IGF2: variants seen among roughly 807,000 people sequenced by gnomAD.
IGF2 encodes the protein insulin like growth factor 2, also known as insulin-like growth factor 2.
In IGF2, 2 loss-of-function variants were observed where a neutral mutation model predicts 12.0. That is an observed-to-expected ratio of 0.17 (90% CI 0.07 to 0.52). The LOEUF is 0.52. IGF2 is among the 20% of genes least tolerant of loss of function. IGF2 has a pLI of 0.95. For synonymous variants in IGF2, 105 were observed against 110.1 expected (o/e 0.95, Z 0.29); for missense variants, 211 against 268.0 (o/e 0.79, Z 1.48).
chr11:2,138,777 CG>C lies in IGF2; in HGVS notation c.-556del, dbSNP rs2133606343. The C allele has an allele frequency of 4.4e-6, 4 of 918,956 alleles. No homozygotes were observed. Among genetic ancestry groups the C allele is most frequent in the Non-Finnish European group, 3.8e-6 (3 of 789,614 alleles). The allele number at this position is 918,956 out of a possible 1,614,324, so 56.9% of individuals were successfully genotyped here. A position where few individuals can be genotyped will look rare whatever the true frequency, so the allele number is the denominator to read the frequency against. ...GAAGGGAAGGTTGCGGGAGAAAGAGCGGGGGCCGGGGCCAGACGCCAAGAGG... is the reference window on the plus strand; with the variant it reads ...GAAGGGAAGGTTGCGGGAGAAAGAGCGGGGCCGGGGCCAGACGCCAAGAGG... On this transcript the variant is annotated 5_prime_UTR_variant, in exon 1 of 4. Transcript: ENST00000416167.
chr11:2,148,120 A>G, the IGF2 span: 1,012 of 291,644 alleles, frequency 3.5e-3, 3 homozygotes, highest in Non-Finnish European at 5.0e-3. This position sits in a 1 kb window ranked among gnomAD's most constrained non-coding sequence, Gnocchi z 4.3. Context: ...TCTGCCTGGC[A>G]CTGGGGGTGG....
At chr11:2,145,890 C>T (rs1564904108), upstream of IGF2, among the ~76,000 whole-genome samples, 2 of 152,100 alleles carry the variant, frequency 1.3e-5, no homozygotes, top group Admixed American at 1.3e-4. Context: ...GGGGTTCTTC[C>T]TCAAGACTGG....
At chr11:2,143,873 G>T (rs1859746873), upstream of IGF2, among the ~76,000 whole-genome samples, 1 of 152,262 alleles carries the variant, frequency 6.6e-6, no homozygotes, top group Non-Finnish European at 1.5e-5. Flanking sequence ...AATCCCCCGA[G>T]GATCAAGGGC....
At chr11:2,141,696 C>T (rs934213324), upstream of IGF2, among the ~76,000 whole-genome samples, 5 of 152,090 alleles carry the variant, frequency 3.3e-5, no homozygotes, top group African/African-American at 4.8e-5. Context: ...ACGCTGGCAG[C>T]AGCCGGGGAA....
intron 2 of IGF2, among the ~76,000 whole-genome samples, chr11:2,135,075 C>T (rs1209050721): frequency 6.6e-6 from 1 of 152,212 alleles, no homozygotes; most frequent in African/African-American, 2.4e-5. Context: ...GCAGGAGCCT[C>T]ACGGCCCCCA....
rs1858569015 is a variant in IGF2 at position 2,131,631 on chromosome 11, G to C, written c.*1356C>G. The C allele has an allele frequency of 9.3e-6, 2 of 214,674 alleles. No individual in the cohort carries two copies. The highest frequency in any genetic ancestry group is 1.8e-5 in the Non-Finnish European group (2 of 108,882). 13.3% of individuals were successfully genotyped at this position (214,674 alleles called of 1,614,324 possible). A position where few individuals can be genotyped will look rare whatever the true frequency, so the allele number is the denominator to read the frequency against. ...TGTGCTGTGTGTGCATGTGTGTGCT[G>C]TGTGCTGTGTTCATGTGTGTGCTGT... is the stretch of plus-strand genomic sequence containing the variant. On this transcript the variant is annotated 3_prime_UTR_variant, in exon 4 of 4. Transcript: ENST00000416167.
At chr11:2,144,975 A>C (rs1471048136), upstream of IGF2, among the ~76,000 whole-genome samples, 1 of 152,160 alleles carries the variant, frequency 6.6e-6, no homozygotes, top group Non-Finnish European at 1.5e-5. Flanking sequence ...AGGATGAGGC[A>C]TCTCTTTCAC....
rs1275882729 is a variant in IGF2 at position 2,139,323 on chromosome 11, G to C, written c.-1101C>G. 2 of 146,828 alleles carry C rather than the reference G, an allele frequency of 1.4e-5. No homozygotes were observed. Among genetic ancestry groups the C allele is most frequent in the Admixed American group, 1.3e-4 (2 of 14,914 alleles). The allele number at this position is 146,828 out of a possible 1,614,324, so 9.1% of individuals were successfully genotyped here. On this transcript the variant is annotated 5_prime_UTR_variant, in exon 1 of 4. Coordinates refer to ENST00000416167, the MANE Select transcript of IGF2 (RefSeq NM_000612.6). ...AGCGCGGGCAGGCGTGGGCCAGGAGGCGGGGGCGGCCGGAAGGGGGGGGCC... is the reference window on the plus strand; with the variant it reads ...AGCGCGGGCAGGCGTGGGCCAGGAGCCGGGGGCGGCCGGAAGGGGGGGGCC...
chr11:2,146,263 C>CGCTCCG, the IGF2 span: 10 of 533,830 alleles, frequency 1.9e-5, no homozygotes, highest in Non-Finnish European at 3.8e-5. Flanking sequence ...CTGAGCTCAC[C>CGCTCCG]GCTCCGCCGT....
rs1472980097 is a variant in IGF2, at chr11:2,138,925, G to C, written c.-703C>G. Reference sequence around the variant, plus strand: ...GCGGGCGCCCAGCTCGGTTTGGGCCGACGGAGCCCTCTGCCGTCGCGAGCC... The same window carrying C: ...GCGGGCGCCCAGCTCGGTTTGGGCCCACGGAGCCCTCTGCCGTCGCGAGCC... On this transcript the variant is annotated 5_prime_UTR_variant, in exon 1 of 4. Coordinates refer to ENST00000416167, the MANE Select transcript of IGF2 (RefSeq NM_000612.6). The C allele has an allele frequency of 1.0e-6, 1 of 984,424 alleles. No homozygotes were observed. The highest frequency in any genetic ancestry group is 1.2e-6 in the Non-Finnish European group (1 of 829,398). 61.0% of individuals were successfully genotyped at this position (984,424 alleles called of 1,614,324 possible). A position where few individuals can be genotyped will look rare whatever the true frequency, so the allele number is the denominator to read the frequency against.
upstream of IGF2, chr11:2,140,359 A>T: frequency 4.1e-6 from 6 of 1,480,566 alleles, no homozygotes; most frequent in Non-Finnish European, 5.5e-6. Context: ...AAAACCACGC[A>T]CAAAATCCCG....
At position 2,132,844 on chromosome 11, in the gene IGF2, C is replaced by T. The variant is rs1414131524; in HGVS notation, c.*143G>A. On this transcript the variant is annotated 3_prime_UTR_variant, in exon 4 of 4. Coordinates refer to ENST00000416167, the MANE Select transcript of IGF2 (RefSeq NM_000612.6). ...AGGAGAGTAGCCTGTTTCGGGGAGG[C>T]GGGGCACGGGGACTGGGTCAGGAGA... is the stretch of plus-strand genomic sequence containing the variant. 1.9e-5 allele frequency: 12 copies of T among 615,594 alleles called. No individual in the cohort carries two copies. The highest frequency in any genetic ancestry group is 5.7e-5 in the East Asian group (2 of 34,806). The allele number at this position is 615,594 out of a possible 1,614,324, so 38.1% of individuals were successfully genotyped here.
At chr11:2,144,433 C>T (rs980609545), upstream of IGF2, among the ~76,000 whole-genome samples, 40 of 152,346 alleles carry the variant, frequency 2.6e-4, no homozygotes, top group Middle Eastern at 3.4e-3. Context: ...GCGCGCCGTT[C>T]GGGCCTTCGC....
At chr11:2,149,421 G>A in the IGF2 span, 10 of 1,263,072 alleles carry the variant, frequency 7.9e-6, no homozygotes, top group South Asian at 9.9e-5. Flanking sequence ...CATCTCCGCT[G>A]AGCATGGCAC....
chr11:2,142,700 C>T (rs1859675049), upstream of IGF2, among the ~76,000 whole-genome samples: 1 of 152,106 alleles, frequency 6.6e-6, no homozygotes, highest in African/African-American at 2.4e-5. This position sits in a 1 kb window ranked among gnomAD's most constrained non-coding sequence, Gnocchi z 5.7. Context: ...CTCCTGGGAC[C>T]CAGAGAATTG....
In IGF2 at chr11:2,130,392, C is replaced by T. The variant is rs1264036384; in HGVS notation, c.*2595G>A. The T allele has an allele frequency of 4.4e-6, 1 of 228,524 alleles. No individual in the cohort carries two copies. Among genetic ancestry groups the T allele is most frequent in the Non-Finnish European group, 8.7e-6 (1 of 115,292 alleles). The allele number at this position is 228,524 out of a possible 1,614,324, so 14.2% of individuals were successfully genotyped here. On this transcript the variant is annotated 3_prime_UTR_variant, in exon 4 of 4. Coordinates refer to ENST00000416167, the MANE Select transcript of IGF2 (RefSeq NM_000612.6). Reference sequence around the variant, plus strand: ...GGCCAGTGCCCCCCAGGAGGCTCCACCCTCAACTCAACCCAAGCAACAGGG... The same window carrying T: ...GGCCAGTGCCCCCCAGGAGGCTCCATCCTCAACTCAACCCAAGCAACAGGG...
Position 2,133,286 on chromosome 11 carries a change from C to T in IGF2, c.307-63G>A, listed in dbSNP as rs912881300. On this transcript the variant is annotated intron_variant, in intron 3 of 3. Coordinates refer to ENST00000416167, the MANE Select transcript of IGF2 (RefSeq NM_000612.6). The surrounding 1 kb of genome is among the most constrained non-coding windows in gnomAD (Gnocchi z 8.9). ...TCCACGCTCTTCCGCCTGAGCCGCCCGCCTGACCTGACAGGCCACCCCTGT... is the reference window on the plus strand; with the variant it reads ...TCCACGCTCTTCCGCCTGAGCCGCCTGCCTGACCTGACAGGCCACCCCTGT... 2.0e-5 allele frequency: 25 copies of T among 1,239,532 alleles called. No homozygotes were observed. Among genetic ancestry groups the T allele is most frequent in the Middle Eastern group, 2.0e-4 (1 of 5,038 alleles). The allele number at this position is 1,239,532 out of a possible 1,614,324, so 76.8% of individuals were successfully genotyped here.
At chr11:2,144,852 G>T (rs1010028030), upstream of IGF2, among the ~76,000 whole-genome samples, 2 of 152,118 alleles carry the variant, frequency 1.3e-5, no homozygotes, top group Non-Finnish European at 2.9e-5. Flanking sequence ...AGTGGGCATT[G>T]CTTGTCCCCA....
upstream of IGF2, among the ~76,000 whole-genome samples, chr11:2,142,710 G>T (rs1859675719): frequency 1.3e-5 from 2 of 152,198 alleles, no homozygotes; most frequent in Admixed American, 1.3e-4. This position sits in a 1 kb window ranked among gnomAD's most constrained non-coding sequence, Gnocchi z 5.7. Flanking sequence ...CCAGAGAATT[G>T]TTTAATAGTC....
Sources: gnomAD v4.1 joint callset for allele counts (sites outside exome capture counted in the v4.1 genomes callset) on GRCh38, gnomAD v4.1.1 for gene constraint, Gnocchi (gnomAD v3.1) non-coding constraint, MANE v1.5 for transcripts, NCBI Gene and HGNC (gene_info 2026-07-23, HGNC 2026-07-21) for gene names.